The following SPNS3 variants were observed in gnomAD, a reference collection of about 807,000 sequenced individuals.
SPNS3 encodes the protein protein spinster homolog 3.
Under a neutral mutation model 54.4 loss-of-function variants are expected in SPNS3, and 51 were observed. The ratio of observed to expected loss-of-function variants is 0.94; its 90% CI spans 0.75 to 1.18. The LOEUF is 1.18. SPNS3 is among the 50% of genes most tolerant of loss of function. The pLI is 0.00. For missense variants in SPNS3, 669 were observed against 677.4 expected, an observed-to-expected ratio of 0.99 and a Z score of 0.14; for synonymous variants, 309 against 294.7, an observed-to-expected ratio of 1.05 and a Z score of -0.50.
At chr17:4,451,944 G>T (rs896545729) in intron 7 of SPNS3, among the ~76,000 whole-genome samples, 1 of 151,708 alleles carries the variant, frequency 6.6e-6, no homozygotes, top group African/African-American at 2.4e-5. Context: ...CTCCCAAAGT[G>T]CTGGGATTAC....
intron 8 of SPNS3, among the ~76,000 whole-genome samples, chr17:4,475,145 G>A (rs1256958570): frequency 1.3e-5 from 2 of 152,182 alleles, no homozygotes; most frequent in Non-Finnish European, 2.9e-5. Flanking sequence ...CTAGCTCGAG[G>A]GGGAAATTCT....
At position 4,483,598 on chromosome 17, in the gene SPNS3, C is replaced by T. The variant is rs777414086; in HGVS notation, c.1180-2630C>T. 2.6e-5 allele frequency: 4 copies of T among 152,288 alleles called. No homozygotes were observed. The highest frequency in any genetic ancestry group is 5.9e-5 in the Non-Finnish European group (4 of 68,090). 9.4% of individuals were successfully genotyped at this position (152,288 alleles called of 1,614,324 possible). A position where few individuals can be genotyped will look rare whatever the true frequency, so the allele number is the denominator to read the frequency against. ...GTGGACCTTTCTGAACATTCAGGTT[C>T]CTCCCTCCAGGAAGCCTCACCTGCC... On this transcript the variant is annotated intron_variant, in intron 9 of 11. Transcript: ENST00000355530. The surrounding 1 kb of genome is among the most constrained non-coding windows in gnomAD (Gnocchi z 4.2).
Position 4,487,971 on chromosome 17 carries a change from C to T in SPNS3, c.*77C>T. 1 of 1,344,654 alleles carries T rather than the reference C, an allele frequency of 7.4e-7. No individual in the cohort carries two copies. Among genetic ancestry groups the T allele is most frequent in the Non-Finnish European group, 1.1e-6 (1 of 941,630 alleles). The allele number at this position is 1,344,654 out of a possible 1,614,324, so 83.3% of individuals were successfully genotyped here. ...CAGCAGTGCCTCGGTTCCTCTTTGG[C>T]TGTCCTCGGGGACTCCGGCTGAGGC... On this transcript the variant is annotated 3_prime_UTR_variant, in exon 12 of 12. Transcript: ENST00000355530.
intron 9 of SPNS3, among the ~76,000 whole-genome samples, chr17:4,479,186 CCGCT>C (rs1972092660): frequency 2.6e-5 from 4 of 152,212 alleles, no homozygotes; most frequent in African/African-American, 9.7e-5. Context: ...GGTGATCTGC[CCGCT>C]TCGGCCTCCC....
rs922803103 is a variant in SPNS3, at chr17:4,486,895, C to T, written c.1450+312C>T. ...AGCAGGAAAGGAAGGAGAAAGGGGC[C>T]GGGCGCGGTGGCTCACACCTGTAAT... On this transcript the variant is annotated intron_variant, in intron 11 of 11. Transcript: ENST00000355530. This position sits in a 1 kb window ranked among gnomAD's most constrained non-coding sequence, Gnocchi z 5.5. 3.3e-5 allele frequency among the ~76,000 whole-genome samples: 5 copies of T among 151,994 alleles called. No homozygotes were observed. Among genetic ancestry groups the T allele is most frequent in the East Asian group, 1.9e-4 (1 of 5,190 alleles).
intron 8 of SPNS3, among the ~76,000 whole-genome samples, chr17:4,465,925 G>A (rs529383918): frequency 1.3e-3 from 196 of 152,322 alleles, no homozygotes; most frequent in African/African-American, 4.5e-3. Context: ...GCACAGTGGC[G>A]AAGCCTACCA....
In SPNS3 at chr17:4,442,626, G is replaced by A. The variant is rs138489586; in HGVS notation, c.266-2406G>A. On this transcript the variant is annotated intron_variant, in intron 2 of 11. Coordinates refer to ENST00000355530, the MANE Select transcript of SPNS3 (RefSeq NM_182538.5). ...CCCATGGGATAGAGAAGCTGCTGGA[G>A]TGAGTTCATTAATTAATAATATTTA... 1.9e-4 allele frequency among the ~76,000 whole-genome samples: 29 copies of A among 152,274 alleles called. No individual in the cohort carries two copies. In the East Asian group the frequency reaches 5.6e-3, roughly 29 times the overall value.
In SPNS3 at chr17:4,486,424, C is replaced by T. The variant is rs372202411; in HGVS notation, c.1291C>T (p.Leu431=). The change falls in exon 11 of 12, where the codon CTG becomes TTG. Residue 431 remains leucine, a synonymous_variant. Coordinates refer to ENST00000355530, the MANE Select transcript of SPNS3 (RefSeq NM_182538.5). The surrounding 1 kb of genome is among the most constrained non-coding windows in gnomAD (Gnocchi z 5.5). ...PYLTGLISSV[L]RARRPDSYLQ... ...TTCTCCTCCGCAGATCTCTAGTGTC[C>T]TGCGGGCCAGGCGCCCTGACTCCTA... 3.7e-6 allele frequency: 6 copies of T among 1,608,236 alleles called. No homozygotes were observed. The highest frequency in any genetic ancestry group is 1.6e-4 in the Middle Eastern group (1 of 6,064).
intron 8 of SPNS3, among the ~76,000 whole-genome samples, chr17:4,457,793 G>A (rs906486687): frequency 9.2e-5 from 14 of 152,276 alleles, no homozygotes; most frequent in African/African-American, 3.4e-4. Context: ...AGAGCTGGTT[G>A]TCTCATCCAG....
chr17:4,458,976 C>G (rs773551678), intron 8 of SPNS3, among the ~76,000 whole-genome samples: 1 of 152,068 alleles, frequency 6.6e-6, no homozygotes, highest in Non-Finnish European at 1.5e-5. Context: ...CCACTGAAGT[C>G]CTGCCACGCA....
chr17:4,480,519 C>G (rs965007037), intron 9 of SPNS3, among the ~76,000 whole-genome samples: 5 of 152,240 alleles, frequency 3.3e-5, no homozygotes, highest in African/African-American at 7.2e-5. Context: ...GCCTGCCCCC[C>G]ACGGCGCAGC....
chr17:4,484,009 GTCC>G (rs752703468), intron 9 of SPNS3, among the ~76,000 whole-genome samples: 12 of 152,178 alleles, frequency 7.9e-5, no homozygotes, highest in Non-Finnish European at 1.6e-4. Flanking sequence ...TGATGAACTT[GTCC>G]TCCTCATCTT....
At chr17:4,451,843 ATTT>A (rs796190961) in intron 7 of SPNS3, among the ~76,000 whole-genome samples, 1 of 140,040 alleles carries the variant, frequency 7.1e-6, no homozygotes. Context: ...TAATTTTTGT[ATTT>A]TTTTTTTTTT....
At chr17:4,448,047 G>A in intron 5 of SPNS3, 108 bp from the exon 6 acceptor site, 4 of 1,142,762 alleles carry the variant, frequency 3.5e-6, no homozygotes, top group South Asian at 1.9e-5. Flanking sequence ...CCCAGGGCTT[G>A]GAAACCAGAG....
At chr17:4,455,498 G>A (rs1297710185) in intron 8 of SPNS3, among the ~76,000 whole-genome samples, 2 of 152,206 alleles carry the variant, frequency 1.3e-5, no homozygotes, top group East Asian at 3.9e-4. Flanking sequence ...TGGGGTCTCT[G>A]GCCCTGGTTT....
chr17:4,441,372 A>C (rs114556266), intron 2 of SPNS3, among the ~76,000 whole-genome samples: 1 of 152,064 alleles, frequency 6.6e-6, no homozygotes, highest in African/African-American at 2.4e-5. Context: ...GAAAGGAAAA[A>C]AAAAAGACAA....
In SPNS3 at chr17:4,458,588, C is replaced by CCTTCCTTTCTTTCTTTCTTTCTTT. The variant is rs1413694695; in HGVS notation, c.1113+5386_1113+5387insCCTTTCTTTCTTTCTTTCTTTCTT. ...TCCCTCCTTTCTTTCTTCCTTCCCTCCTTTCTTTCTTTCTTTCTTTCTTTC... is the reference window on the plus strand; with the variant it reads ...TCCCTCCTTTCTTTCTTCCTTCCCTCCTTCCTTTCTTTCTTTCTTTCTTTCTTTCTTTCTTTCTTTCTTTCTTTC... On this transcript the variant is annotated intron_variant, in intron 8 of 11. Coordinates refer to ENST00000355530, the MANE Select transcript of SPNS3 (RefSeq NM_182538.5). 7.4e-4 allele frequency among the ~76,000 whole-genome samples: 44 copies of CCTTCCTTTCTTTCTTTCTTTCTTT among 59,322 alleles called. 4 individuals carry two copies. The highest frequency in any genetic ancestry group is 2.7e-3 in the East Asian group (7 of 2,588). 38.9% of individuals were successfully genotyped at this position (59,322 alleles called of 152,430 possible).
rs1045505611 is a variant in SPNS3 at position 4,486,773 on chromosome 17, G to A, written c.1450+190G>A. Among the ~76,000 whole-genome samples the A allele has an allele frequency of 1.3e-5, 2 of 152,208 alleles. No individual in the cohort carries two copies. Among genetic ancestry groups the A allele is most frequent in the Admixed American group, 6.5e-5 (1 of 15,278 alleles). Reference sequence around the variant, plus strand: ...AGAATGAGGCCAAGTCCAGGCCCCTGTAGAAACTGACACTGTAGTTGGTGA... The same window carrying A: ...AGAATGAGGCCAAGTCCAGGCCCCTATAGAAACTGACACTGTAGTTGGTGA... On this transcript the variant is annotated intron_variant, in intron 11 of 11. Coordinates refer to ENST00000355530, the MANE Select transcript of SPNS3 (RefSeq NM_182538.5). The surrounding 1 kb of genome is among the most constrained non-coding windows in gnomAD (Gnocchi z 5.5).
intron 11 of SPNS3, among the ~76,000 whole-genome samples, chr17:4,487,605 G>T (rs1478860074): frequency 1.3e-5 from 2 of 152,256 alleles, no homozygotes; most frequent in Non-Finnish European, 2.9e-5. Context: ...AGGCCGAGAG[G>T]CATAGCCGAC....
Sources: allele counts gnomAD v4.1 joint callset (sites outside exome capture counted in the v4.1 genomes callset), GRCh38; gene constraint gnomAD v4.1.1; non-coding constraint Gnocchi (gnomAD v3.1); transcripts MANE v1.5; gene names NCBI Gene and HGNC (gene_info 2026-07-23, HGNC 2026-07-21).